The following MCC variants were observed in gnomAD, a reference collection of about 807,000 sequenced individuals.
MCC encodes MCC regulator of Wnt signaling pathway, also known as colorectal mutant cancer protein.
In MCC, 90 loss-of-function variants were observed where a neutral mutation model predicts 116.2. That is an observed-to-expected ratio of 0.77 (90% CI 0.65 to 0.92). The LOEUF (loss-of-function observed/expected upper bound fraction) is 0.92, where lower values mean the gene tolerates loss of function less well. Ranked by LOEUF, MCC falls within the 40% of genes least tolerant of loss-of-function variation. The pLI is 0.00. For missense variants in MCC, 1,516 were observed against 1,312.2 expected (o/e 1.16, Z -2.40); for synonymous variants, 578 against 510.5 (o/e 1.13, Z -1.78).
chr5:113,046,252 G>A (rs1252479860), intron 16 of MCC, among the ~76,000 whole-genome samples: 1 of 151,676 alleles, frequency 6.6e-6, no homozygotes, highest in African/African-American at 2.4e-5. Flanking sequence ...TGGTGCGGCT[G>A]CACGACCTTG....
intron 3 of MCC, among the ~76,000 whole-genome samples, chr5:113,335,716 A>C (rs1517206): frequency 0.57 from 85,832 of 151,340 alleles, 26,099 homozygotes; most frequent in African/African-American, 0.75. Flanking sequence ...GGCTTAGATT[A>C]CACTGAGTTT....
chr5:113,062,505 C>T (rs1056738894), intron 14 of MCC, among the ~76,000 whole-genome samples: 2 of 152,176 alleles, frequency 1.3e-5, no homozygotes, highest in Non-Finnish European at 2.9e-5. Context: ...CACACATTTC[C>T]TGTCAAGCAA....
At chr5:113,183,834 G>A (rs1035768002) in intron 3 of MCC, among the ~76,000 whole-genome samples, 8 of 152,022 alleles carry the variant, frequency 5.3e-5, no homozygotes, top group African/African-American at 1.7e-4. Context: ...GGAGAAAGGG[G>A]GCCAAAGGAA....
Position 113,053,950 on chromosome 5 carries a change from G to A in MCC, c.2223C>T (p.Ser741=), listed in dbSNP as rs746812353. ...CGGTGTCGCAACTACTGGCTGTGGA[G>A]CTGGTTGTGCTGAGAAAGAAGAAAA... The part of the protein sequence containing the change: ...LSSNSHTSTT[S]STASSCDTEF... Residue 741 remains serine, a synonymous_variant, in exon 15 of 19, where the codon AGC becomes AGT. Coordinates refer to ENST00000408903, the MANE Select transcript of MCC (RefSeq NM_001085377.2). 1 of 1,609,298 alleles carries A rather than the reference G, an allele frequency of 6.2e-7. No homozygotes were observed. Among genetic ancestry groups the A allele is most frequent in the Middle Eastern group, 1.7e-4 (1 of 6,048 alleles).
At chr5:113,073,892 G>C (rs1439193068) in intron 11 of MCC, among the ~76,000 whole-genome samples, 1 of 152,216 alleles carries the variant, frequency 6.6e-6, no homozygotes, top group African/African-American at 2.4e-5. Flanking sequence ...AGCTCAAACT[G>C]GGTGGAGCCC....
Position 113,104,291 on chromosome 5 carries a change from G to T in MCC, c.1092C>A (p.Cys364Ter), listed in dbSNP as rs911500570. 6.2e-7 allele frequency: 1 copy of T among 1,613,920 alleles called. No homozygotes were observed. The highest frequency in any genetic ancestry group is 8.5e-7 in the Non-Finnish European group (1 of 1,179,992). Residue 364 changes from cysteine (C) to a stop codon, truncating the protein, a stop_gained, in exon 7 of 19, where the codon TGC (cysteine) becomes TGA (stop). Coordinates refer to ENST00000408903, the MANE Select transcript of MCC (RefSeq NM_001085377.2). LOFTEE classifies it high-confidence loss of function. ...GGCTGCAGCTGCTCTTCTTCCTGCC[G>T]CAGACAACATTCTCCAGCCCTGTCA... is the stretch of plus-strand genomic sequence containing the variant. ...RVLTGLENVV[C>*]GRKKSSCSLS...
intron 2 of MCC, among the ~76,000 whole-genome samples, chr5:113,379,120 T>A (rs915308008): frequency 6.6e-6 from 1 of 152,206 alleles, no homozygotes; most frequent in African/African-American, 2.4e-5. Flanking sequence ...GGACCATATG[T>A]CTGTCATTTC....
At chr5:113,282,162 C>T (rs890060482) in intron 3 of MCC, among the ~76,000 whole-genome samples, 3 of 152,124 alleles carry the variant, frequency 2.0e-5, no homozygotes, top group Non-Finnish European at 4.4e-5. Flanking sequence ...AATAGTTTTA[C>T]AGACAAAGAA....
chr5:113,232,083 T>C (rs1181339003), intron 3 of MCC, among the ~76,000 whole-genome samples: 1 of 152,226 alleles, frequency 6.6e-6, no homozygotes, highest in Non-Finnish European at 1.5e-5. Flanking sequence ...ACTATGTTAT[T>C]TGTTAACTAG....
Position 113,068,100 on chromosome 5 carries a change from G to A in MCC, c.2009C>T (p.Ala670Val), listed in dbSNP as rs747030241. The A allele has an allele frequency of 1.6e-5, 26 of 1,614,022 alleles. No individual in the cohort carries two copies. The highest frequency in any genetic ancestry group is 5.3e-5 in the African/African-American group (4 of 74,916). ...QSLILGQFRAAGVGSSPGDQS... is the reference protein window; with the variant it reads ...QSLILGQFRAVGVGSSPGDQS... ...CTTACCAGGGGAGGACCCCACGCCC[G>A]CCGCTCGGAACTGCCCCAGGATGAG... Residue 670 changes from alanine to valine, a missense_variant, in exon 13 of 19, where the codon GCG (alanine) becomes GTG (valine). Physicochemically the swap from Ala to Val is moderately conservative, Grantham distance 64. Transcript: ENST00000408903.
intron 3 of MCC, among the ~76,000 whole-genome samples, chr5:113,232,191 T>C (rs765447433): frequency 1.3e-5 from 2 of 152,168 alleles, no homozygotes; most frequent in Non-Finnish European, 2.9e-5. Context: ...AGAACAAGCA[T>C]GAAAGTCACA....
At chr5:113,106,551 C>T (rs945555818) in intron 6 of MCC, among the ~76,000 whole-genome samples, 1 of 152,098 alleles carries the variant, frequency 6.6e-6, no homozygotes, top group Non-Finnish European at 1.5e-5. Flanking sequence ...AAAAATACAA[C>T]CTTTTTAGAG....
At chr5:113,105,544 G>C (rs571811039) in intron 6 of MCC, among the ~76,000 whole-genome samples, 1 of 152,130 alleles carries the variant, frequency 6.6e-6, no homozygotes, top group South Asian at 2.1e-4. Flanking sequence ...CCATCTCCAT[G>C]AATGGCACCC....
intron 2 of MCC, among the ~76,000 whole-genome samples, chr5:113,372,467 A>G (rs1418081019): frequency 6.6e-6 from 1 of 152,234 alleles, no homozygotes; most frequent in African/African-American, 2.4e-5. Flanking sequence ...ATATTTGTGA[A>G]TCCAGTGACC....
At chr5:113,351,929 G>A (rs923389617) in intron 2 of MCC, among the ~76,000 whole-genome samples, 2 of 152,146 alleles carry the variant, frequency 1.3e-5, no homozygotes, top group Admixed American at 6.5e-5. Context: ...CCTAAACCCA[G>A]TTTCTGGCAG....
chr5:113,067,637 A>AAAAC (rs915628220), intron 13 of MCC, among the ~76,000 whole-genome samples: 1 of 152,248 alleles, frequency 6.6e-6, no homozygotes, highest in Non-Finnish European at 1.5e-5. Flanking sequence ...ACTCCATCTC[A>AAAAC]AAACAAACAA....
chr5:113,483,452 C>T (rs1056570342), intron 1 of MCC, among the ~76,000 whole-genome samples: 22 of 152,094 alleles, frequency 1.4e-4, no homozygotes, highest in African/African-American at 5.1e-4. Flanking sequence ...AGAGGAATGG[C>T]ATGATGCAGA....
At chr5:113,156,910 G>T (rs1760202215) in intron 3 of MCC, among the ~76,000 whole-genome samples, 1 of 152,136 alleles carries the variant, frequency 6.6e-6, no homozygotes, top group Non-Finnish European at 1.5e-5. Flanking sequence ...TGACTCTAAG[G>T]ACAAGCCCTC....
At chr5:113,193,900 T>C (rs1177137365) in intron 3 of MCC, among the ~76,000 whole-genome samples, 1 of 152,002 alleles carries the variant, frequency 6.6e-6, no homozygotes, top group African/African-American at 2.4e-5. Context: ...GAAGCACAAT[T>C]TGGGTAATAG....
Sources: allele counts gnomAD v4.1 joint callset (sites outside exome capture counted in the v4.1 genomes callset), GRCh38; gene constraint gnomAD v4.1.1; transcripts MANE v1.5; gene names NCBI Gene and HGNC (gene_info 2026-07-23, HGNC 2026-07-21).